The following TRIM63 variants were observed in gnomAD, a reference collection of about 807,000 sequenced individuals.
The protein encoded by TRIM63 is E3 ubiquitin-protein ligase TRIM63.
A neutral mutation model predicts 46.0 loss-of-function variants in TRIM63; 48 were observed. The ratio of observed to expected loss-of-function variants is 1.04; its 90% CI spans 0.83 to 1.33. The LOEUF is 1.33. TRIM63 is among the 40% of genes most tolerant of loss of function. TRIM63 has a pLI of 0.00. For missense variants in TRIM63, 455 were observed against 441.2 expected (o/e 1.03, Z -0.28); for synonymous variants, 175 against 162.8 (o/e 1.08, Z -0.57).
chr1:26,059,171 C>T (rs1427635531), intron 4 of TRIM63, among the ~76,000 whole-genome samples: 7 of 151,888 alleles, frequency 4.6e-5, no homozygotes, highest in Admixed American at 1.3e-4. Context: ...ATTATAGATA[C>T]GCTACCACGC....
chr1:26,067,002 C>A (rs973422965), intron 1 of TRIM63, among the ~76,000 whole-genome samples: 1 of 152,122 alleles, frequency 6.6e-6, no homozygotes, highest in African/African-American at 2.4e-5. Context: ...CTGGCTCCAG[C>A]CCCAGGGGTC....
intron 8 of TRIM63, among the ~76,000 whole-genome samples, 193 bp downstream of exon 8, chr1:26,053,700 T>A (rs1264019364): frequency 6.6e-6 from 1 of 152,176 alleles, no homozygotes; most frequent in East Asian, 1.9e-4. Flanking sequence ...TTATTATGAA[T>A]AGTTTGGGGT....
intron 7 of TRIM63, among the ~76,000 whole-genome samples, chr1:26,055,756 C>T (rs2050565507): frequency 6.6e-6 from 1 of 152,108 alleles, no homozygotes; most frequent in Admixed American, 6.6e-5. Flanking sequence ...GGTGATCCAC[C>T]TGCCTTGGAC....
In TRIM63 at chr1:26,055,153, TTATAAAATCCTCACAAGAGTTTTGCAA is replaced by T. The variant is rs559693180; in HGVS notation, c.980-1216_980-1190del. 1.6e-3 allele frequency among the ~76,000 whole-genome samples: 240 copies of T among 152,300 alleles called. 4 individuals carry two copies. Among genetic ancestry groups the T allele is most frequent in the Non-Finnish European group, 2.9e-4 (20 of 68,024 alleles). On this transcript the variant is annotated intron_variant, in intron 7 of 8. Coordinates refer to ENST00000374272, the MANE Select transcript of TRIM63 (RefSeq NM_032588.4). Reference sequence around the variant, plus strand: ...TGCTCAGTGTTGAATCTGCATCGTCTTATAAAATCCTCACAAGAGTTTTGCAAGCCAAATGGCCCTCAGTAGAATCTG... The same window carrying T: ...TGCTCAGTGTTGAATCTGCATCGTCTGCCAAATGGCCCTCAGTAGAATCTG...
In TRIM63 at chr1:26,060,257, T is replaced by A; in HGVS notation, c.597+9A>T. ...CAAATCCCCAGGCAGGACTATTCTG[T>A]CCGCTCACCTTGGTCACTCGACGGG... On this transcript the variant is annotated intron_variant, in intron 4 of 8. Coordinates refer to ENST00000374272, the MANE Select transcript of TRIM63 (RefSeq NM_032588.4). 6.2e-7 allele frequency: 1 copy of A among 1,612,582 alleles called. No individual in the cohort carries two copies. Among genetic ancestry groups the A allele is most frequent in the Non-Finnish European group, 8.5e-7 (1 of 1,178,988 alleles).
chr1:26,053,528 T>C (rs1319886919), intron 8 of TRIM63, among the ~76,000 whole-genome samples: 1 of 152,226 alleles, frequency 6.6e-6, no homozygotes, highest in Non-Finnish European at 1.5e-5. Flanking sequence ...GTCCAGCAAG[T>C]AGTTTTGTTT....
Position 26,058,633 on chromosome 1 carries a change from G to T in TRIM63, c.598-10C>A. 1 of 1,613,124 alleles carries T rather than the reference G, an allele frequency of 6.2e-7. No individual in the cohort carries two copies. Among genetic ancestry groups the T allele is most frequent in the Non-Finnish European group, 8.5e-7 (1 of 1,179,274 alleles). Reference sequence around the variant, plus strand: ...CCTGGTGACTGTTCTCCTGAGGACGGAAGTCTTGTGGTCACGTTCTGTAGG... The same window carrying T: ...CCTGGTGACTGTTCTCCTGAGGACGTAAGTCTTGTGGTCACGTTCTGTAGG... On this transcript the variant is annotated splice_polypyrimidine_tract_variant and intron_variant, in intron 4 of 8. Coordinates refer to ENST00000374272, the MANE Select transcript of TRIM63 (RefSeq NM_032588.4).
In TRIM63 at chr1:26,065,465, C is replaced by T. The variant is rs992428322; in HGVS notation, c.332+803G>A. Among the ~76,000 whole-genome samples, 12 of 152,208 alleles carry T rather than the reference C, an allele frequency of 7.9e-5. No individual in the cohort carries two copies. In the South Asian group the frequency reaches 8.3e-4, roughly 11 times the overall value. ...CTGGGACTACAGGCATGCCCCACCA[C>T]GCCCAGCTAGTTTTTAAACTTTGTA... On this transcript the variant is annotated intron_variant, in intron 2 of 8. Coordinates refer to ENST00000374272, the MANE Select transcript of TRIM63 (RefSeq NM_032588.4).
chr1:26,064,470 C>G (rs1322532275), intron 2 of TRIM63, among the ~76,000 whole-genome samples: 1 of 151,936 alleles, frequency 6.6e-6, no homozygotes, highest in East Asian at 1.9e-4. Context: ...TTCTCACACC[C>G]TCTCTCTCTT....
At chr1:26,063,131 C>T (rs1569743676) in intron 2 of TRIM63, among the ~76,000 whole-genome samples, 2 of 151,936 alleles carry the variant, frequency 1.3e-5, no homozygotes, top group African/African-American at 4.8e-5. Context: ...AGTGCAGCAG[C>T]GATTCACAGA....
intron 2 of TRIM63, among the ~76,000 whole-genome samples, chr1:26,061,693 G>A (rs933239449): frequency 5.3e-5 from 8 of 152,156 alleles, no homozygotes; most frequent in Non-Finnish European, 1.2e-4. Context: ...AGGAAACTGG[G>A]CTCCAGAAAA....
rs2050689953 is a variant in TRIM63 at position 26,067,554 on chromosome 1, A to G, written c.-60T>C. On this transcript the variant is annotated 5_prime_UTR_variant, in exon 1 of 9. Coordinates refer to ENST00000374272, the MANE Select transcript of TRIM63 (RefSeq NM_032588.4). Reference sequence around the variant, plus strand: ...CTCCTCTACTAACTTTGCTCTAAGTAGACCTGGGGGTCTTGCCTTTGTCAC... The same window carrying G: ...CTCCTCTACTAACTTTGCTCTAAGTGGACCTGGGGGTCTTGCCTTTGTCAC... 4 of 1,585,380 alleles carry G rather than the reference A, an allele frequency of 2.5e-6. No homozygotes were observed. Among genetic ancestry groups the G allele is most frequent in the South Asian group, 1.1e-5 (1 of 87,590 alleles).
In TRIM63 at chr1:26,061,287, T is replaced by G; in HGVS notation, c.380A>C (p.Asp127Ala). The change falls in exon 3 of 9, where the codon GAT (aspartate) becomes GCT (alanine). Residue 127 changes from aspartate to alanine, a missense_variant. Coordinates refer to ENST00000374272, the MANE Select transcript of TRIM63 (RefSeq NM_032588.4). ...GAGACAGTAGATGTTGATTTTCTCA[T>G]CTTCGTGCTCCTTGCACATGGGGTG... is the stretch of plus-strand genomic sequence containing the variant. Reference protein sequence around the residue: ...GSHPMCKEHEDEKINIYCLTC... With the variant: ...GSHPMCKEHEAEKINIYCLTC... 1 of 1,614,186 alleles carries G rather than the reference T, an allele frequency of 6.2e-7. No homozygotes were observed.
In TRIM63 at chr1:26,061,289, T is replaced by A. The variant is rs142601731; in HGVS notation, c.378A>T (p.Glu126Asp). 193 of 1,614,222 alleles carry A rather than the reference T, an allele frequency of 1.2e-4. 2 individuals are homozygous for A. The East Asian group carries it at 4.2e-3, about 35-fold the overall frequency. ...KGSHPMCKEHEDEKINIYCLT... is the reference protein window; with the variant it reads ...KGSHPMCKEHDDEKINIYCLT... Reference sequence around the variant, plus strand: ...GACAGTAGATGTTGATTTTCTCATCTTCGTGCTCCTTGCACATGGGGTGAC... The same window carrying A: ...GACAGTAGATGTTGATTTTCTCATCATCGTGCTCCTTGCACATGGGGTGAC... The change falls in exon 3 of 9, where the codon GAA becomes GAT. Residue 126 changes from glutamate (E) to aspartate (D), a missense_variant. Physicochemically the swap from Glu to Asp is conservative, Grantham distance 45. Transcript: ENST00000374272.
Position 26,057,791 on chromosome 1 carries a change from C to A in TRIM63, c.832-141G>T, listed in dbSNP as rs901119725. ...GTTGTGACCTGCTCCCCACCCCAAA[C>A]TGAGCAGAATCTGGAACTTTTCCCT... On this transcript the variant is annotated intron_variant, in intron 5 of 8. Transcript: ENST00000374272. The A allele has an allele frequency of 6.0e-6, 5 of 829,170 alleles. No homozygotes were observed. In the East Asian group the frequency reaches 1.4e-4, roughly 22 times the overall value. 51.4% of individuals were successfully genotyped at this position (829,170 alleles called of 1,614,324 possible). A position where few individuals can be genotyped will look rare whatever the true frequency, so the allele number is the denominator to read the frequency against.
intron 5 of TRIM63, 74 bp from the exon 6 acceptor site, chr1:26,057,724 C>G: frequency 1.3e-6 from 2 of 1,492,276 alleles, no homozygotes; most frequent in Middle Eastern, 1.8e-4. Context: ...AACTAGTGAA[C>G]TAGGTGTTGT....
chr1:26,054,968 CAAA>C (rs60719420), intron 7 of TRIM63, among the ~76,000 whole-genome samples: 9 of 97,392 alleles, frequency 9.2e-5, no homozygotes, highest in Non-Finnish European at 8.9e-5. Context: ...AACTCCGTCT[CAAA>C]AAAAAAAAAA....
intron 4 of TRIM63, 146 bp from the exon 5 acceptor site, chr1:26,058,769 C>T (rs1052468287): frequency 3.0e-6 from 2 of 673,760 alleles, no homozygotes; most frequent in East Asian, 5.2e-5. Context: ...GAAACAAAGA[C>T]TTAACAAGAA....
intron 8 of TRIM63, among the ~76,000 whole-genome samples, chr1:26,052,268 C>T (rs2050529186): frequency 6.6e-6 from 1 of 152,222 alleles, no homozygotes; most frequent in Non-Finnish European, 1.5e-5. Context: ...GACCCCCATA[C>T]ACAGATGAGT....
Sources: gnomAD v4.1 joint callset for allele counts (sites outside exome capture counted in the v4.1 genomes callset) on GRCh38, gnomAD v4.1.1 for gene constraint, MANE v1.5 for transcripts, NCBI Gene and HGNC (gene_info 2026-07-23, HGNC 2026-07-21) for gene names.